The following CCSER1 variants were observed in gnomAD, a reference collection of about 807,000 sequenced individuals.
CCSER1 encodes serine-rich coiled-coil domain-containing protein 1.
Under a neutral mutation model 82.0 loss-of-function variants are expected in CCSER1, and 41 were observed. The ratio of observed to expected loss-of-function variants is 0.50; its 90% CI spans 0.39 to 0.65. The LOEUF (loss-of-function observed/expected upper bound fraction) is 0.65. Among genes scored for constraint, CCSER1 ranks in the 30% least tolerant of loss-of-function variants. CCSER1 has a pLI of 0.00. For missense variants in CCSER1, 1,119 were observed against 1,064.2 expected (o/e 1.05, Z -0.72); for synonymous variants, 414 against 383.9 (o/e 1.08, Z -0.92).
chr4:90,565,474 T>G (rs2153650450), intron 5 of CCSER1, among the ~76,000 whole-genome samples: 1 of 152,324 alleles, frequency 6.6e-6, no homozygotes, highest in Non-Finnish European at 1.5e-5. Context: ...AGAACTTAAC[T>G]TCTTTCTTTC....
intron 10 of CCSER1, among the ~76,000 whole-genome samples, chr4:91,423,426 G>A (rs150859547): frequency 0.053 from 8,073 of 151,040 alleles, 272 homozygotes; most frequent in Non-Finnish European, 0.075. Flanking sequence ...GTGAAACTCC[G>A]TCTAAAAAAA....
chr4:90,927,980 T>C (rs1192596789), intron 9 of CCSER1, among the ~76,000 whole-genome samples: 1 of 152,076 alleles, frequency 6.6e-6, no homozygotes, highest in Non-Finnish European at 1.5e-5. Context: ...GCTAATATAC[T>C]GTAGTTTATT....
intron 10 of CCSER1, among the ~76,000 whole-genome samples, chr4:91,271,551 T>G (rs1742024022): frequency 6.6e-6 from 1 of 152,112 alleles, no homozygotes; most frequent in East Asian, 1.9e-4. Context: ...CTGAGTTACT[T>G]CACTTAGAAT....
rs192114750 is a variant in CCSER1, at chr4:90,523,547, A to G, written c.1724+55193A>G. On this transcript the variant is annotated intron_variant, in intron 5 of 10. Transcript: ENST00000509176. ...AATGTACAGTGTTTATATGATATTA[A>G]TATAATCACAAATAGCATGGGATTT... is the stretch of plus-strand genomic sequence containing the variant. Among the ~76,000 whole-genome samples the G allele has an allele frequency of 2.1e-3, 320 of 152,292 alleles. 3 individuals are homozygous for G. In the Middle Eastern group the frequency reaches 0.027, roughly 13 times the overall value.
chr4:90,368,662 C>T (rs1169607268), intron 3 of CCSER1, among the ~76,000 whole-genome samples: 1 of 151,692 alleles, frequency 6.6e-6, no homozygotes, highest in Admixed American at 6.6e-5. Context: ...ACTCAAATGT[C>T]ATCTCTCAAT....
chr4:90,569,464 C>A (rs143201403), intron 5 of CCSER1, among the ~76,000 whole-genome samples: 20 of 152,146 alleles, frequency 1.3e-4, no homozygotes, highest in Non-Finnish European at 2.8e-4. Context: ...GATGTCTGCT[C>A]AAAGTAGTTG....
At chr4:90,639,296 C>A (rs1453126140) in intron 6 of CCSER1, among the ~76,000 whole-genome samples, 4 of 151,246 alleles carry the variant, frequency 2.6e-5, no homozygotes, top group African/African-American at 9.7e-5. Context: ...ATAAAATTAT[C>A]AATAATTTTT....
intron 3 of CCSER1, among the ~76,000 whole-genome samples, chr4:90,365,223 T>A (rs1013545565): frequency 9.2e-5 from 14 of 151,904 alleles, no homozygotes; most frequent in Non-Finnish European, 1.6e-4. Flanking sequence ...TGTGAAAAAT[T>A]TAAAGCATAA....
At chr4:91,377,550 T>C (rs565357220) in intron 10 of CCSER1, among the ~76,000 whole-genome samples, 1 of 152,352 alleles carries the variant, frequency 6.6e-6, no homozygotes, top group African/African-American at 2.4e-5. Context: ...GTGTGTTCTT[T>C]TGAGAAGTGT....
rs916385521 is a variant in CCSER1, at chr4:90,322,403, C to G, written c.1509+9356C>G. 1.4e-4 allele frequency among the ~76,000 whole-genome samples: 21 copies of G among 152,092 alleles called. 2 individuals carry two copies. On this transcript the variant is annotated intron_variant, in intron 3 of 10. Transcript: ENST00000509176. ...ATAGCTTTGTAATGTAATTTGAAGT[C>G]AGATAATGTGATTCCTCCAGTTTTA...
At chr4:90,131,606 A>G (rs549483480) in intron 1 of CCSER1, among the ~76,000 whole-genome samples, 2 of 152,280 alleles carry the variant, frequency 1.3e-5, no homozygotes, top group South Asian at 4.1e-4. Flanking sequence ...TTCATATAAT[A>G]GTTTATTTTA....
chr4:90,813,638 C>G (rs1048317738), intron 7 of CCSER1, among the ~76,000 whole-genome samples: 2 of 152,172 alleles, frequency 1.3e-5, no homozygotes, highest in Non-Finnish European at 2.9e-5. Context: ...TTTGCTTCTT[C>G]CTCATTTTCT....
chr4:91,284,760 T>A (rs559133219), intron 10 of CCSER1, among the ~76,000 whole-genome samples: 1 of 152,180 alleles, frequency 6.6e-6, no homozygotes, highest in South Asian at 2.1e-4. Context: ...GCCAAGTAAA[T>A]CCATCTTAAT....
At chr4:90,232,917 C>CAATGAG (rs1744917452) in intron 1 of CCSER1, among the ~76,000 whole-genome samples, 1 of 151,218 alleles carries the variant, frequency 6.6e-6, no homozygotes, top group Non-Finnish European at 1.5e-5. Context: ...ATCAAAACCA[C>CAATGAG]AATGAGATAC....
chr4:91,302,113 A>G (rs1744714977), intron 10 of CCSER1, among the ~76,000 whole-genome samples: 1 of 152,034 alleles, frequency 6.6e-6, no homozygotes, highest in African/African-American at 2.4e-5. Context: ...AATCACCAGT[A>G]CTGACCTCTT....
At chr4:91,371,733 A>G (rs1158325348) in intron 10 of CCSER1, among the ~76,000 whole-genome samples, 1 of 152,182 alleles carries the variant, frequency 6.6e-6, no homozygotes, top group African/African-American at 2.4e-5. Context: ...AGTAGCAAGT[A>G]ATTTGGAGTC....
At chr4:91,208,306 C>T (rs1195219738) in intron 10 of CCSER1, among the ~76,000 whole-genome samples, 3 of 151,950 alleles carry the variant, frequency 2.0e-5, no homozygotes, top group South Asian at 4.2e-4. Context: ...TTTGCCAGTT[C>T]CTATGTCCAA....
Position 91,193,807 on chromosome 4 carries a change from C to T in CCSER1, c.2217+107813C>T, listed in dbSNP as rs1581747269. On this transcript the variant is annotated intron_variant, in intron 10 of 10. Coordinates refer to ENST00000509176, the MANE Select transcript of CCSER1 (RefSeq NM_001145065.2). ...GTCTTTACTTCTAATTCAAATCTTCCTGTTTGTTTTATTGATTTTTTTTTT... is the reference window on the plus strand; with the variant it reads ...GTCTTTACTTCTAATTCAAATCTTCTTGTTTGTTTTATTGATTTTTTTTTT... 4.4e-5 allele frequency among the ~76,000 whole-genome samples: 6 copies of T among 137,918 alleles called. 1 individual carries two copies. In the Middle Eastern group the frequency reaches 0.023, roughly 530 times the overall value. 90.5% of individuals were successfully genotyped at this position (137,918 alleles called of 152,430 possible). A position where few individuals can be genotyped will look rare whatever the true frequency, so the allele number is the denominator to read the frequency against.
At chr4:91,305,739 A>G (rs1190799876) in intron 10 of CCSER1, among the ~76,000 whole-genome samples, 1 of 151,638 alleles carries the variant, frequency 6.6e-6, no homozygotes, top group African/African-American at 2.4e-5. Context: ...TGGGTAATTT[A>G]TAAAGAAAAA....
Sources: gnomAD v4.1 joint callset for allele counts (sites outside exome capture counted in the v4.1 genomes callset) on GRCh38, gnomAD v4.1.1 for gene constraint, MANE v1.5 for transcripts, NCBI Gene and HGNC (gene_info 2026-07-23, HGNC 2026-07-21) for gene names.